The following SNX29 variants were observed in gnomAD, a reference collection of about 807,000 sequenced individuals.
SNX29 encodes sorting nexin-29.
A neutral mutation model predicts 102.1 loss-of-function variants in SNX29; 78 were observed. The observed-to-expected ratio is 0.76, with a 90% CI of 0.64 to 0.92. The LOEUF (loss-of-function observed/expected upper bound fraction) is 0.92. Among genes scored for constraint, SNX29 ranks in the 40% least tolerant of loss-of-function variants. The pLI is 0.00. For synonymous variants in SNX29, 580 were observed against 414.5 expected (o/e 1.40, Z -4.85); for missense variants, 1,280 against 1,061.7 (o/e 1.21, Z -2.86).
In SNX29 at chr16:12,254,127, G is replaced by A. The variant is rs57924692; in HGVS notation, c.1679-23806G>A. ...GGGGCCGAGCAGGAGCTTGGGTACA[G>A]GCATGTTGAGTGTGAGCTATCTGAA... On this transcript the variant is annotated intron_variant, in intron 14 of 20. Transcript: ENST00000566228. Among the ~76,000 whole-genome samples, 849 of 152,278 alleles carry A rather than the reference G, an allele frequency of 5.6e-3. 7 individuals carry two copies. The highest frequency in any genetic ancestry group is 0.019 in the African/African-American group (783 of 41,546).
At chr16:12,421,453 T>C (rs1448806159) in intron 18 of SNX29, among the ~76,000 whole-genome samples, 1 of 152,234 alleles carries the variant, frequency 6.6e-6, no homozygotes, top group Non-Finnish European at 1.5e-5. Flanking sequence ...CCAGCTGTGT[T>C]GTAAACAGTG....
chr16:12,502,784 C>T (rs11075085), intron 19 of SNX29, among the ~76,000 whole-genome samples: 30,729 of 152,116 alleles, frequency 0.2, 3,461 homozygotes, highest in South Asian at 0.4. Context: ...CCTTTGTCCC[C>T]AGTGGAAAGC....
At position 12,437,360 on chromosome 16, in the gene SNX29, G is replaced by A. The variant is rs974115601; in HGVS notation, c.2037+33831G>A. On this transcript the variant is annotated intron_variant, in intron 18 of 20. Transcript: ENST00000566228. ...ATGGAGTGGATGGGCCTGAGGCCCTGCCCACCGCATTCCCTGTCTCATAGC... is the reference window on the plus strand; with the variant it reads ...ATGGAGTGGATGGGCCTGAGGCCCTACCCACCGCATTCCCTGTCTCATAGC... 2.0e-5 allele frequency among the ~76,000 whole-genome samples: 3 copies of A among 152,214 alleles called. No individual in the cohort carries two copies. The East Asian group carries it at 5.8e-4, about 29-fold the overall frequency.
intron 18 of SNX29, among the ~76,000 whole-genome samples, chr16:12,419,567 C>CCT: frequency 6.6e-6 from 1 of 151,712 alleles, no homozygotes; most frequent in East Asian, 1.9e-4. Context: ...ACTCAGCCCC[C>CCT]CCCCCCATCT....
At chr16:12,400,216 C>T (rs1020863099) in intron 17 of SNX29, among the ~76,000 whole-genome samples, 10 of 152,184 alleles carry the variant, frequency 6.6e-5, no homozygotes, top group African/African-American at 2.2e-4. Context: ...GAAGAAGGCC[C>T]TCACTCACCT....
intron 14 of SNX29, among the ~76,000 whole-genome samples, chr16:12,217,259 G>A (rs12920741): frequency 0.097 from 14,812 of 152,188 alleles, 1,105 homozygotes; most frequent in South Asian, 0.29. Context: ...GGCTTGAGCA[G>A]TCCTCCTGCC....
chr16:12,331,625 C>A (rs2081294495), intron 15 of SNX29, among the ~76,000 whole-genome samples: 1 of 152,112 alleles, frequency 6.6e-6, no homozygotes, highest in African/African-American at 2.4e-5. Context: ...GATCTTGGCT[C>A]ACTGCAGCCT....
chr16:12,481,381 C>CATAT (rs139144117), intron 19 of SNX29, among the ~76,000 whole-genome samples: 69 of 146,152 alleles, frequency 4.7e-4, no homozygotes, highest in African/African-American at 1.5e-3. Context: ...GTCTTTTATA[C>CATAT]ATATATATAT....
intron 18 of SNX29, among the ~76,000 whole-genome samples, chr16:12,439,383 T>C (rs1374945580): frequency 6.6e-6 from 1 of 152,140 alleles, no homozygotes; most frequent in Non-Finnish European, 1.5e-5. Flanking sequence ...TTAGCCACTA[T>C]ATTAGTTTGT....
chr16:12,315,024 C>A (rs1191166650), intron 15 of SNX29, among the ~76,000 whole-genome samples: 2 of 152,230 alleles, frequency 1.3e-5, no homozygotes, highest in African/African-American at 4.8e-5. Context: ...ACAGGCAATT[C>A]TGTTCCCTAA....
intron 19 of SNX29, among the ~76,000 whole-genome samples, chr16:12,506,391 G>C (rs373588984): frequency 6.6e-6 from 1 of 152,188 alleles, no homozygotes; most frequent in Non-Finnish European, 1.5e-5. Context: ...ACTTGGTCTG[G>C]AAATGGGAAG....
chr16:12,552,685 G>T (rs775406794), intron 20 of SNX29, among the ~76,000 whole-genome samples: 296 of 152,346 alleles, frequency 1.9e-3, no homozygotes, highest in Middle Eastern at 0.014. Flanking sequence ...GCGTTTACAA[G>T]GGTCGGGGGA....
chr16:12,093,082 C>T (rs1216165439), intron 11 of SNX29, among the ~76,000 whole-genome samples: 1 of 152,214 alleles, frequency 6.6e-6, no homozygotes, highest in Non-Finnish European at 1.5e-5. Flanking sequence ...GAATCAACAA[C>T]TGTCTTTGTG....
At position 12,318,493 on chromosome 16, in the gene SNX29, G is replaced by A. The variant is rs1008538053; in HGVS notation, c.1783-37670G>A. ...GGCATGACTTGGGAGGGCAGAACCC[G>A]GCAGCTTCATTCCCATCCTCTGTTG... On this transcript the variant is annotated intron_variant, in intron 15 of 20. Coordinates refer to ENST00000566228, the MANE Select transcript of SNX29 (RefSeq NM_032167.5). 2.6e-5 allele frequency among the ~76,000 whole-genome samples: 4 copies of A among 152,164 alleles called. No individual in the cohort carries two copies. The East Asian group carries it at 5.8e-4, about 22-fold the overall frequency.
chr16:12,478,977 G>A (rs2087783996), intron 19 of SNX29, among the ~76,000 whole-genome samples: 1 of 152,212 alleles, frequency 6.6e-6, no homozygotes, highest in African/African-American at 2.4e-5. Context: ...GGAAGGTAGA[G>A]CCATGACCTT....
chr16:12,445,277 T>C (rs1011005151), intron 18 of SNX29, among the ~76,000 whole-genome samples: 2 of 152,230 alleles, frequency 1.3e-5, no homozygotes, highest in Non-Finnish European at 2.9e-5. Flanking sequence ...GAGCCCGTAT[T>C]ATCCACAAAG....
At chr16:11,982,802 T>A (rs1056476723) in intron 1 of SNX29, among the ~76,000 whole-genome samples, 5 of 152,116 alleles carry the variant, frequency 3.3e-5, no homozygotes, top group Admixed American at 1.3e-4. Flanking sequence ...ATCAAACAAT[T>A]TGTGTAACAG....
chr16:12,409,832 A>G (rs2084322091), intron 18 of SNX29, among the ~76,000 whole-genome samples: 1 of 152,218 alleles, frequency 6.6e-6, no homozygotes, highest in Non-Finnish European at 1.5e-5. Flanking sequence ...CAGTGTAAGT[A>G]CATTTGGAAT....
intron 15 of SNX29, among the ~76,000 whole-genome samples, chr16:12,296,950 T>C (rs552797584): frequency 6.6e-6 from 1 of 152,346 alleles, no homozygotes; most frequent in African/African-American, 2.4e-5. Context: ...GTAGGATGTT[T>C]CACGGCATGC....
Sources: gnomAD v4.1 joint callset for allele counts (sites outside exome capture counted in the v4.1 genomes callset) on GRCh38, gnomAD v4.1.1 for gene constraint, MANE v1.5 for transcripts, NCBI Gene and HGNC (gene_info 2026-07-23, HGNC 2026-07-21) for gene names.